The following WDR11 variants were observed in gnomAD, a reference collection of about 807,000 sequenced individuals.
WDR11 encodes the protein WD repeat domain 11.
Under a neutral mutation model 151.2 loss-of-function variants are expected in WDR11, and 83 were observed. The ratio of observed to expected loss-of-function variants is 0.55; its 90% CI spans 0.46 to 0.66. The LOEUF is 0.66. Ranked by LOEUF, WDR11 falls within the 30% of genes least tolerant of loss-of-function variation. The pLI, the probability that WDR11 is intolerant of heterozygous loss-of-function variation, is 0.00. For synonymous variants in WDR11, 484 were observed against 533.1 expected, an observed-to-expected ratio of 0.91 and a Z score of 1.27; for missense variants, 1,301 against 1,480.9, an observed-to-expected ratio of 0.88 and a Z score of 1.99.
chr10:120,855,869 G>A (rs947760448), intron 2 of WDR11, among the ~76,000 whole-genome samples: 4 of 151,980 alleles, frequency 2.6e-5, no homozygotes, highest in African/African-American at 9.7e-5. Context: ...ATGTTGCATT[G>A]GCTAGGACCT....
At chr10:120,865,259 T>C in intron 6 of WDR11, 47 bp downstream of exon 6, 1 of 1,584,454 alleles carries the variant, frequency 6.3e-7, no homozygotes, top group Non-Finnish European at 8.7e-7. Context: ...TTAAGAATGT[T>C]ATATTAAAAG....
Position 120,873,875 on chromosome 10 carries a change from C to G in WDR11, c.1508C>G (p.Thr503Ser). ...GGTTCTGTCCTGGTGTACCATCTCACCAGTGGTCTGCTACACAAAGAGTTA... is the reference window on the plus strand; with the variant it reads ...GGTTCTGTCCTGGTGTACCATCTCAGCAGTGGTCTGCTACACAAAGAGTTA... ...SNGSVLVYHLTSGLLHKELSI... is the reference protein window; with the variant it reads ...SNGSVLVYHLSSGLLHKELSI... The change falls in exon 11 of 29, where the codon ACC becomes AGC. Residue 503 changes from threonine (T) to serine (S), a missense_variant. This residue lies in a region of WDR11 where 692 missense variants were observed against 762.5 expected (regional missense o/e 0.91). Coordinates refer to ENST00000263461, the MANE Select transcript of WDR11 (RefSeq NM_018117.12). 1 of 1,613,380 alleles carries G rather than the reference C, an allele frequency of 6.2e-7. No individual in the cohort carries two copies. The highest frequency in any genetic ancestry group is 8.5e-7 in the Non-Finnish European group (1 of 1,179,474).
chr10:120,905,405 T>C lies in WDR11; in HGVS notation c.3280T>C (p.Trp1094Arg), dbSNP rs763836182. Reference sequence around the variant, plus strand: ...ATACGGCGAGTGGAATCGGGCTGCATGGCTGGCAAAAGTAGGTGGTTCCAA... The same window carrying C: ...ATACGGCGAGTGGAATCGGGCTGCACGGCTGGCAAAAGTAGGTGGTTCCAA... The part of the protein sequence containing the change: ...QTYGEWNRAA[W>R]LAKVRLNPEE... The change falls in exon 26 of 29, where the codon TGG becomes CGG. Residue 1094 changes from tryptophan (W) to arginine (R), a missense_variant. Trp to Arg is a moderately radical substitution (Grantham distance 101). Around this residue, in one of 3 missense-constraint regions of WDR11, gnomAD observed 589 missense variants for 670.6 expected, o/e 0.88. Coordinates refer to ENST00000263461, the MANE Select transcript of WDR11 (RefSeq NM_018117.12). The C allele has an allele frequency of 3.7e-6, 6 of 1,614,182 alleles. No homozygotes were observed. The highest frequency in any genetic ancestry group is 4.2e-6 in the Non-Finnish European group (5 of 1,180,020).
intron 13 of WDR11, among the ~76,000 whole-genome samples, chr10:120,881,853 C>A (rs767610825): frequency 2.0e-5 from 3 of 151,874 alleles, no homozygotes; most frequent in Non-Finnish European, 2.9e-5. Flanking sequence ...TTTTTGCTTG[C>A]ACTAATTAGG....
chr10:120,886,984 C>A, intron 16 of WDR11, 148 bp downstream of exon 16: 1 of 843,730 alleles, frequency 1.2e-6, no homozygotes, highest in Non-Finnish European at 1.9e-6. Context: ...AAACTTGTTC[C>A]ATACTGCTAG....
intron 1 of WDR11, 37 bp from the exon 2 acceptor site, chr10:120,852,487 G>A (rs773482751): frequency 5.1e-6 from 8 of 1,574,742 alleles, no homozygotes; most frequent in Non-Finnish European, 7.0e-6. Flanking sequence ...GTCCTGCTTT[G>A]TTCTGTACTT....
intron 11 of WDR11, among the ~76,000 whole-genome samples, chr10:120,875,570 TCTC>T (rs1348530921): frequency 6.6e-6 from 1 of 152,200 alleles, no homozygotes; most frequent in Non-Finnish European, 1.5e-5. Context: ...AATGGCGCGA[TCTC>T]AGCTCACTAC....
At chr10:120,885,624 A>G (rs1847191692) in intron 14 of WDR11, among the ~76,000 whole-genome samples, 190 bp from the exon 15 acceptor site, 2 of 152,172 alleles carry the variant, frequency 1.3e-5, no homozygotes. Context: ...GAAGTTTGCC[A>G]TAAAAGCTCC....
chr10:120,858,652 G>T lies in WDR11; in HGVS notation c.208G>T (p.Ala70Ser). 6.2e-7 allele frequency: 1 copy of T among 1,614,168 alleles called. No homozygotes were observed. Among genetic ancestry groups the T allele is most frequent in the Non-Finnish European group, 8.5e-7 (1 of 1,180,042 alleles). ...TTTCTTCTTGATACAGGTTAAATGG[G>T]CCAGGGAAAACTATCACCATAACAT... ...HKADVVKVKW[A>S]RENYHHNIGS... Residue 70 changes from alanine to serine, a missense_variant, in exon 3 of 29, where the codon GCC becomes TCC. This residue lies in a region of WDR11 where 692 missense variants were observed against 762.5 expected (regional missense o/e 0.91). Transcript: ENST00000263461.
Position 120,883,833 on chromosome 10 carries a change from G to A in WDR11, c.1793G>A (p.Arg598Lys), listed in dbSNP as rs1237533020. The change falls in exon 14 of 29, where the codon AGG becomes AAG. Residue 598 changes from arginine (R) to lysine (K), a missense_variant. Around this residue, in one of 3 missense-constraint regions of WDR11, gnomAD observed 692 missense variants for 762.5 expected, o/e 0.91. Transcript: ENST00000263461. ...AAACCCCTGGAGCTATGGGATGTTA[G>A]GACTTGTACCCTTCTTAGAGAGATG... ...RDKPLELWDVRTCTLLREMSK... is the reference protein window; with the variant it reads ...RDKPLELWDVKTCTLLREMSK... 1 of 1,613,510 alleles carries A rather than the reference G, an allele frequency of 6.2e-7. No individual in the cohort carries two copies. The highest frequency in any genetic ancestry group is 1.7e-5 in the Admixed American group (1 of 59,982).
At chr10:120,851,897 T>C (rs1442510571) in intron 1 of WDR11, 6 of 330,934 alleles carry the variant, frequency 1.8e-5, no homozygotes, top group Non-Finnish European at 3.5e-5. Context: ...ATTCCTGTTG[T>C]CTTTCAACAA....
At chr10:120,868,191 C>T (rs776806130) in intron 9 of WDR11, among the ~76,000 whole-genome samples, 7 of 152,138 alleles carry the variant, frequency 4.6e-5, no homozygotes, top group African/African-American at 7.2e-5. Flanking sequence ...CAGTGACTCA[C>T]GCCTGTAATC....
chr10:120,885,984 C>A, intron 15 of WDR11, 46 bp downstream of exon 15: 1 of 1,609,716 alleles, frequency 6.2e-7, no homozygotes, highest in South Asian at 1.1e-5. Context: ...CCATTAGCAT[C>A]ATGTCTGGGA....
At chr10:120,863,873 A>G (rs989436636) in intron 5 of WDR11, among the ~76,000 whole-genome samples, 2 of 152,182 alleles carry the variant, frequency 1.3e-5, no homozygotes, top group African/African-American at 4.8e-5. Flanking sequence ...TAGTTAATTT[A>G]TCTCTCACCC....
chr10:120,887,483 A>G (rs1018444720), intron 16 of WDR11, among the ~76,000 whole-genome samples: 1 of 152,186 alleles, frequency 6.6e-6, no homozygotes, highest in Non-Finnish European at 1.5e-5. Context: ...TAAAATAGGT[A>G]TATTTATTTT....
At chr10:120,897,325 C>T (rs1285999073) in intron 19 of WDR11, among the ~76,000 whole-genome samples, 1 of 152,148 alleles carries the variant, frequency 6.6e-6, no homozygotes, top group African/African-American at 2.4e-5. Flanking sequence ...TAATTGTATA[C>T]ACAAGCAAGG....
chr10:120,900,993 A>T, intron 20 of WDR11, 43 bp from the exon 21 acceptor site: 1 of 1,341,370 alleles, frequency 7.5e-7, no homozygotes, highest in Non-Finnish European at 1.1e-6. Flanking sequence ...ACGTGGTTTT[A>T]AGTGAAGAGA....
rs1010454865 is a variant in WDR11, at chr10:120,869,360, G to T, written c.1295-1810G>T. 1.3e-5 allele frequency among the ~76,000 whole-genome samples: 2 copies of T among 151,938 alleles called. 1 individual carries two copies. The highest frequency in any genetic ancestry group is 4.8e-5 in the African/African-American group (2 of 41,380). ...GATCTCCTGACCTCGTGATCCGCCCGCCTCGGCCTCCCAAAGTGCTGGGAT... is the reference window on the plus strand; with the variant it reads ...GATCTCCTGACCTCGTGATCCGCCCTCCTCGGCCTCCCAAAGTGCTGGGAT... On this transcript the variant is annotated intron_variant, in intron 9 of 28. Transcript: ENST00000263461.
chr10:120,853,501 G>A (rs938773998), intron 2 of WDR11, among the ~76,000 whole-genome samples: 3 of 152,034 alleles, frequency 2.0e-5, no homozygotes, highest in African/African-American at 7.2e-5. Flanking sequence ...TCCTGACCTC[G>A]TGATCCACCC....
Sources: gnomAD v4.1 joint callset for allele counts (sites outside exome capture counted in the v4.1 genomes callset) on GRCh38, gnomAD v4.1.1 for gene constraint, gnomAD v4.1.1 regional missense constraint, MANE v1.5 for transcripts, NCBI Gene and HGNC (gene_info 2026-07-23, HGNC 2026-07-21) for gene names.